NMNAT1: variants seen among roughly 807,000 people sequenced by gnomAD.
NMNAT1 encodes the protein nicotinamide nucleotide adenylyltransferase 1.
A neutral mutation model predicts 16.7 loss-of-function variants in NMNAT1; 11 were observed. The observed-to-expected ratio is 0.66, with a 90% CI of 0.41 to 1.09. The LOEUF (loss-of-function observed/expected upper bound fraction) is 1.09, where lower values mean the gene tolerates loss of function less well. Among genes scored for constraint, NMNAT1 ranks in the 50% least tolerant of loss-of-function variants. The pLI is 0.00. For synonymous variants in NMNAT1, 110 were observed against 119.8 expected (o/e 0.92, Z 0.53); for missense variants, 280 against 332.3 (o/e 0.84, Z 1.22).
chr1:9,956,420 CTTTTTTTT>C (rs758331917), intron 1 of NMNAT1, among the ~76,000 whole-genome samples: 1 of 117,570 alleles, frequency 8.5e-6, no homozygotes, highest in Non-Finnish European at 1.7e-5. Flanking sequence ...ATTGGTCTAC[CTTTTTTTT>C]TTTTTTTTTT....
At chr1:9,958,126 T>C (rs1277101937) in intron 1 of NMNAT1, among the ~76,000 whole-genome samples, 1 of 152,180 alleles carries the variant, frequency 6.6e-6, no homozygotes, top group African/African-American at 2.4e-5. Context: ...TGATTGCCCT[T>C]GGTAATAGGG....
At chr1:9,963,146 T>C (rs1641465079) in intron 1 of NMNAT1, among the ~76,000 whole-genome samples, 1 of 152,166 alleles carries the variant, frequency 6.6e-6, no homozygotes, top group Admixed American at 6.6e-5. Context: ...TGTTCCAGTT[T>C]ATCTCCCATT....
chr1:9,987,048 A>T (rs1642053086), downstream of NMNAT1, among the ~76,000 whole-genome samples: 1 of 151,984 alleles, frequency 6.6e-6, no homozygotes, highest in African/African-American at 2.4e-5. Flanking sequence ...AATACAAAAA[A>T]TTATACGGGC....
intron 1 of NMNAT1, among the ~76,000 whole-genome samples, chr1:9,968,939 C>CAAA (rs749269968): frequency 1.2e-4 from 8 of 68,364 alleles, no homozygotes; most frequent in South Asian, 4.6e-4. Flanking sequence ...GACTCTGTCT[C>CAAA]AAAAAAAAAA....
intron 1 of NMNAT1, chr1:9,951,166 A>G (rs527344875): frequency 6.6e-6 from 1 of 151,658 alleles, no homozygotes. Flanking sequence ...TTGAGTAGTT[A>G]CTTGCCTCGA....
At chr1:9,976,889 C>T (rs186329797) in intron 3 of NMNAT1, among the ~76,000 whole-genome samples, 110 of 148,198 alleles carry the variant, frequency 7.4e-4, no homozygotes, top group African/African-American at 2.6e-3. Context: ...AGCCTCCCAA[C>T]ACCTAATTAT....
intron 4 of NMNAT1, 54 bp from the exon 5 acceptor site, chr1:9,982,247 G>A: frequency 6.5e-7 from 1 of 1,532,254 alleles, no homozygotes; most frequent in South Asian, 1.3e-5. Context: ...TCCACTTGGA[G>A]GAGGTAGAGG....
the NMNAT1 span, among the ~76,000 whole-genome samples, chr1:9,992,047 T>G: frequency 6.6e-6 from 1 of 151,548 alleles, no homozygotes; most frequent in Non-Finnish European, 1.5e-5. Context: ...AGACTCTGTC[T>G]CTAAATAAAT....
At chr1:9,956,731 CT>C (rs1269404630) in intron 1 of NMNAT1, among the ~76,000 whole-genome samples, 197 of 119,364 alleles carry the variant, frequency 1.7e-3, no homozygotes, top group South Asian at 6.2e-3. Context: ...CCTTGTTTAC[CT>C]TTTTTTTTTT....
At chr1:9,976,781 C>T (rs921920309) in intron 3 of NMNAT1, among the ~76,000 whole-genome samples, 6 of 151,944 alleles carry the variant, frequency 3.9e-5, no homozygotes, top group African/African-American at 7.3e-5. Context: ...ACTGCCACCA[C>T]GCCCCGCTAA....
the NMNAT1 span, among the ~76,000 whole-genome samples, chr1:9,996,452 C>T: frequency 1.3e-5 from 2 of 152,162 alleles, no homozygotes; most frequent in Non-Finnish European, 2.9e-5. Flanking sequence ...CCCATATTCC[C>T]ACCCCTTCTC....
chr1:9,944,202 C>G (rs1049576537), intron 1 of NMNAT1, among the ~76,000 whole-genome samples: 1 of 151,818 alleles, frequency 6.6e-6, no homozygotes, highest in African/African-American at 2.4e-5. Context: ...TACAGTGAGC[C>G]GAGATCGCGC....
intron 3 of NMNAT1, among the ~76,000 whole-genome samples, chr1:9,979,161 C>T (rs143111562): frequency 6.6e-5 from 10 of 152,066 alleles, no homozygotes; most frequent in Non-Finnish European, 8.8e-5. Context: ...GTAATATAGT[C>T]GCTTTGTAAT....
intron 1 of NMNAT1, chr1:9,960,893 C>A (rs926517716): frequency 3.3e-5 from 5 of 152,250 alleles, no homozygotes; most frequent in Non-Finnish European, 2.9e-5. Context: ...CCACAGCCCC[C>A]CTATACGCAT....
At chr1:9,981,260 A>G (rs1198166971) in intron 4 of NMNAT1, 90 bp downstream of exon 4, 6 of 1,522,246 alleles carry the variant, frequency 3.9e-6, no homozygotes, top group African/African-American at 1.4e-5. Context: ...TTTTAGATGG[A>G]GTCTCGCTCT....
intron 3 of NMNAT1, among the ~76,000 whole-genome samples, chr1:9,977,390 CTGT>C (rs1462047086): frequency 2.0e-5 from 3 of 152,070 alleles, no homozygotes; most frequent in Non-Finnish European, 2.9e-5. Context: ...CATGCCTGGC[CTGT>C]TGTTATCTTG....
At chr1:9,949,237 G>A (rs940375280) in intron 1 of NMNAT1, among the ~76,000 whole-genome samples, 9 of 149,638 alleles carry the variant, frequency 6.0e-5, no homozygotes, top group South Asian at 2.2e-4. Context: ...ACTGCACTCC[G>A]GCCTGGGCAA....
the NMNAT1 span, among the ~76,000 whole-genome samples, chr1:9,991,264 C>G: frequency 6.6e-6 from 1 of 150,924 alleles, no homozygotes; most frequent in Non-Finnish European, 1.5e-5. Context: ...CAGCTCACTG[C>G]AACTTCTGCC....
intron 3 of NMNAT1, among the ~76,000 whole-genome samples, chr1:9,980,130 C>T (rs1276716885): frequency 1.3e-5 from 2 of 151,690 alleles, no homozygotes; most frequent in African/African-American, 4.8e-5. Context: ...AGGGTTTCTC[C>T]ATGTTGGTCA....
Sources: allele counts gnomAD v4.1 joint callset (sites outside exome capture counted in the v4.1 genomes callset), GRCh38; gene constraint gnomAD v4.1.1; transcripts MANE v1.5; gene names NCBI Gene and HGNC (gene_info 2026-07-23, HGNC 2026-07-21).